Variants in EPHA7 observed in about 807,000 individuals in gnomAD.
EPHA7 encodes EPH receptor A7.
A neutral mutation model predicts 112.6 loss-of-function variants in EPHA7; 25 were observed. The ratio of observed to expected loss-of-function variants is 0.22; its 90% confidence interval spans 0.16 to 0.31. The LOEUF (loss-of-function observed/expected upper bound fraction) is 0.31. EPHA7 is among the 10% of genes least tolerant of loss of function. The probability of loss-of-function intolerance (pLI) is 1.00; values close to 1 mark genes in which losing one functional copy is unlikely to be tolerated. For synonymous variants in EPHA7, 437 were observed against 406.5 expected (o/e 1.07, Z -0.90); for missense variants, 962 against 1,212.6 (o/e 0.79, Z 3.07).
intron 1 of EPHA7, among the ~76,000 whole-genome samples, chr6:93,415,578 A>C (rs2127997926): frequency 6.6e-6 from 1 of 152,200 alleles, no homozygotes; most frequent in South Asian, 2.1e-4. Flanking sequence ...TAATACACAT[A>C]ATATTTCTAT....
chr6:93,347,832 G>A (rs1247060402), intron 5 of EPHA7, among the ~76,000 whole-genome samples: 1 of 151,642 alleles, frequency 6.6e-6, no homozygotes, highest in African/African-American at 2.4e-5. Flanking sequence ...GAATTTTGAG[G>A]GGACACAATT....
intron 5 of EPHA7, among the ~76,000 whole-genome samples, chr6:93,350,763 C>T (rs140802989): frequency 7.1e-4 from 108 of 151,546 alleles, no homozygotes; most frequent in African/African-American, 2.5e-3. Context: ...TTTTAACAAA[C>T]GACTATATGT....
At chr6:93,271,054 A>G (rs906631245) in intron 6 of EPHA7, among the ~76,000 whole-genome samples, 1 of 151,710 alleles carries the variant, frequency 6.6e-6, no homozygotes, top group Non-Finnish European at 1.5e-5. Flanking sequence ...ATTGGATGCA[A>G]TTTAAGCAGA....
At chr6:93,280,541 T>C (rs115741413) in intron 5 of EPHA7, among the ~76,000 whole-genome samples, 2,866 of 152,286 alleles carry the variant, frequency 0.019, 41 homozygotes, top group African/African-American at 0.031. Flanking sequence ...GTTATACCTG[T>C]CTATCTCCTC....
chr6:93,277,273 AC>A, intron 5 of EPHA7, among the ~76,000 whole-genome samples: 1 of 152,070 alleles, frequency 6.6e-6, no homozygotes, highest in Non-Finnish European at 1.5e-5. Flanking sequence ...TAGGAAAAAC[AC>A]ATAAAAATAC....
intron 2 of EPHA7, 119 bp downstream of exon 2, chr6:93,414,584 C>T (rs1779132876): frequency 1.3e-6 from 1 of 755,804 alleles, no homozygotes; most frequent in South Asian, 1.6e-5. Context: ...TAATATTGGA[C>T]AAGATATTTG....
chr6:93,320,635 A>G, intron 5 of EPHA7, among the ~76,000 whole-genome samples: 1 of 152,008 alleles, frequency 6.6e-6, no homozygotes, highest in East Asian at 1.9e-4. Context: ...TATTAGACAC[A>G]GGTCAGAGGT....
rs566365119 is a variant in EPHA7, at chr6:93,373,272, A to C, written c.833-14861T>G. Among the ~76,000 whole-genome samples, 9 of 152,128 alleles carry C rather than the reference A, an allele frequency of 5.9e-5. No individual in the cohort carries two copies. The South Asian group carries it at 1.0e-3, about 18-fold the overall frequency. ...TTCAATATCAAAAGGGAAAAATTAC[A>C]AAGTTAACAGACATCTCCAAGAGCA... On this transcript the variant is annotated intron_variant, in intron 3 of 16. Transcript: ENST00000369303.
At chr6:93,245,486 A>T in intron 15 of EPHA7, 33 bp from the exon 16 acceptor site, 1 of 1,594,624 alleles carries the variant, frequency 6.3e-7, no homozygotes, top group Non-Finnish European at 8.5e-7. Context: ...AGCGAACATT[A>T]TCCTGAAATA....
intron 5 of EPHA7, among the ~76,000 whole-genome samples, chr6:93,344,857 CCTAA>C (rs767894064): frequency 2.0e-5 from 3 of 151,502 alleles, no homozygotes; most frequent in African/African-American, 2.4e-5. Context: ...ATTCTTCCAT[CCTAA>C]CTATTTGTTT....
intron 5 of EPHA7, among the ~76,000 whole-genome samples, chr6:93,322,760 A>T (rs1331031110): frequency 6.6e-6 from 1 of 151,566 alleles, no homozygotes; most frequent in African/African-American, 2.4e-5. Context: ...GGATTTAGTG[A>T]TTCAAATAAA....
chr6:93,311,380 G>A (rs555180038), intron 5 of EPHA7, among the ~76,000 whole-genome samples: 4 of 152,006 alleles, frequency 2.6e-5, no homozygotes, highest in African/African-American at 9.7e-5. Context: ...GTCCTTCTTT[G>A]TCATTTCAAC....
intron 1 of EPHA7, among the ~76,000 whole-genome samples, chr6:93,415,853 C>G (rs1779195862): frequency 6.6e-6 from 1 of 152,084 alleles, no homozygotes; most frequent in African/African-American, 2.4e-5. Context: ...TTATACAACT[C>G]AATCACTAGG....
intron 3 of EPHA7, among the ~76,000 whole-genome samples, chr6:93,374,740 C>T (rs557155879): frequency 6.0e-4 from 91 of 152,196 alleles, no homozygotes; most frequent in Non-Finnish European, 9.1e-4. Flanking sequence ...CATTAGATCA[C>T]CAATAGGAAA....
intron 5 of EPHA7, among the ~76,000 whole-genome samples, chr6:93,281,413 T>G (rs1263527819): frequency 6.6e-6 from 1 of 152,212 alleles, no homozygotes; most frequent in Admixed American, 6.5e-5. Context: ...TAATTTTCCA[T>G]GAATTCATAG....
chr6:93,393,632 C>A (rs1778017314), intron 3 of EPHA7, among the ~76,000 whole-genome samples: 1 of 151,760 alleles, frequency 6.6e-6, no homozygotes, highest in Admixed American at 6.6e-5. Flanking sequence ...GCTCCCAGGG[C>A]AAAGGGGTAG....
chr6:93,346,994 A>C (rs901472097), intron 5 of EPHA7, among the ~76,000 whole-genome samples: 1 of 151,916 alleles, frequency 6.6e-6, no homozygotes, highest in South Asian at 2.1e-4. Context: ...AATGCATGTA[A>C]TAAGAATTAC....
chr6:93,257,999 C>T, intron 11 of EPHA7, 100 bp downstream of exon 11: 2 of 1,127,480 alleles, frequency 1.8e-6, no homozygotes, highest in Non-Finnish European at 2.5e-6. Context: ...TTCATTTAGA[C>T]TGTGCAACAT....
At chr6:93,286,755 A>C (rs1001458733) in intron 5 of EPHA7, among the ~76,000 whole-genome samples, 1 of 152,140 alleles carries the variant, frequency 6.6e-6, no homozygotes, top group Non-Finnish European at 1.5e-5. Context: ...GCAGGTGAGA[A>C]AAATATTTTT....
Sources: allele counts gnomAD v4.1 joint callset (sites outside exome capture counted in the v4.1 genomes callset), GRCh38; gene constraint gnomAD v4.1.1; transcripts MANE v1.5; gene names NCBI Gene and HGNC (gene_info 2026-07-23, HGNC 2026-07-21).